Variants in SMAD3 observed in about 807,000 individuals in gnomAD.
SMAD3 encodes MAD homolog 3.
A neutral mutation model predicts 51.8 loss-of-function variants in SMAD3; 12 were observed. The ratio of observed to expected loss-of-function variants is 0.23; its 90% CI spans 0.15 to 0.38. SMAD3 has a LOEUF of 0.38. Ranked by LOEUF, SMAD3 falls within the 10% of genes least tolerant of loss-of-function variation. The pLI, the probability that SMAD3 is intolerant of heterozygous loss-of-function variation, is 1.00. For missense variants in SMAD3, 294 were observed against 565.6 expected (o/e 0.52, Z 4.87); for synonymous variants, 238 against 227.7 (o/e 1.05, Z -0.41).
At position 67,187,500 on chromosome 15, in the gene SMAD3, C is replaced by T. The variant is rs779602560; in HGVS notation, c.1145C>T (p.Ala382Val). The part of the protein sequence containing the change: ...IRMSFVKGWG[A>V]EYRRQTVTST... ...ATGAGCTTCGTCAAAGGCTGGGGAG[C>T]GGAGTACAGGTCAGTTATGGGTGCT... is the stretch of plus-strand genomic sequence containing the variant. Residue 382 changes from alanine to valine, a missense_variant, in exon 8 of 9, where the codon GCG (alanine) becomes GTG (valine). This residue lies in a region of SMAD3 where 118 missense variants were observed against 278.0 expected (regional missense o/e 0.42). Coordinates refer to ENST00000327367, the MANE Select transcript of SMAD3 (RefSeq NM_005902.4). 4.3e-6 allele frequency: 7 copies of T among 1,614,138 alleles called. No individual in the cohort carries two copies. Among genetic ancestry groups the T allele is most frequent in the East Asian group, 4.5e-5 (2 of 44,878 alleles).
chr15:67,106,308 A>C (rs1488768860), intron 1 of SMAD3, among the ~76,000 whole-genome samples: 4 of 152,142 alleles, frequency 2.6e-5, no homozygotes, highest in African/African-American at 9.7e-5. Context: ...TTCAAATCTC[A>C]ACCTCTCAGG....
chr15:67,078,100 G>A (rs1055235668), intron 1 of SMAD3: 16 of 152,408 alleles, frequency 1.0e-4, no homozygotes, highest in African/African-American at 3.4e-4. Flanking sequence ...GTCTGGAGCA[G>A]GTTGAAGATA....
At chr15:67,095,407 AGT>A (rs1370877050) in intron 1 of SMAD3, among the ~76,000 whole-genome samples, 1 of 152,100 alleles carries the variant, frequency 6.6e-6, no homozygotes, top group East Asian at 1.9e-4. Flanking sequence ...TGGCTGTGGA[AGT>A]GTGTCTTGAG....
At chr15:67,151,978 ATG>A (rs1340647786) in intron 1 of SMAD3, among the ~76,000 whole-genome samples, 1 of 152,166 alleles carries the variant, frequency 6.6e-6, no homozygotes, top group African/African-American at 2.4e-5. Flanking sequence ...ATTGTAAACT[ATG>A]TAATAATAAT....
At chr15:67,177,461 C>A (rs548511414) in intron 5 of SMAD3, among the ~76,000 whole-genome samples, 1 of 113,382 alleles carries the variant, frequency 8.8e-6, no homozygotes, top group Non-Finnish European at 1.7e-5. Flanking sequence ...CTTGCTCTAT[C>A]CCCCAGGCTG....
chr15:67,187,177 G>C (rs745582695), intron 7 of SMAD3, 188 bp from the exon 8 acceptor site: 6 of 718,014 alleles, frequency 8.4e-6, no homozygotes, highest in Non-Finnish European at 1.5e-5. Flanking sequence ...CAAGGGGAGG[G>C]ACTGGGTTGG....
intron 1 of SMAD3, among the ~76,000 whole-genome samples, chr15:67,095,867 A>G (rs538797002): frequency 3.2e-4 from 49 of 152,250 alleles, no homozygotes; most frequent in African/African-American, 1.2e-3. Context: ...TCTTTGACCT[A>G]GTGTTTTGGA....
chr15:67,157,067 C>T (rs1429060284), intron 1 of SMAD3, among the ~76,000 whole-genome samples: 1 of 152,116 alleles, frequency 6.6e-6, no homozygotes, highest in Non-Finnish European at 1.5e-5. Context: ...CAACACAGTA[C>T]CTGGCACATA....
At chr15:67,139,015 T>C (rs555946147) in intron 1 of SMAD3, among the ~76,000 whole-genome samples, 1 of 152,230 alleles carries the variant, frequency 6.6e-6, no homozygotes, top group Non-Finnish European at 1.5e-5. Flanking sequence ...TTTGAGAGAC[T>C]GAAGTGTCGG....
chr15:67,113,485 T>C (rs905575761), intron 1 of SMAD3, among the ~76,000 whole-genome samples: 1 of 152,028 alleles, frequency 6.6e-6, no homozygotes, highest in African/African-American at 2.4e-5. Context: ...CAAGTAAAGA[T>C]AGACAAGGAA....
rs140620343 is a variant in SMAD3 at position 67,194,296 on chromosome 15, G to A, written c.*3760G>A. ...CATCACAGTTTAAGGAGCATCAGCC[G>A]CTTCTCAAGTGGGTAGGGAAAGCAG... is the stretch of plus-strand genomic sequence containing the variant. On this transcript the variant is annotated 3_prime_UTR_variant, in exon 9 of 9. Coordinates refer to ENST00000327367, the MANE Select transcript of SMAD3 (RefSeq NM_005902.4). 2.9e-3 allele frequency: 666 copies of A among 233,308 alleles called. 10 individuals are homozygous for A. Among genetic ancestry groups the A allele is most frequent in the African/African-American group, 0.013 (595 of 45,442 alleles). The allele number at this position is 233,308 out of a possible 1,614,324, so 14.5% of individuals were successfully genotyped here.
At chr15:67,123,238 G>A (rs1184580915) in intron 1 of SMAD3, among the ~76,000 whole-genome samples, 1 of 149,860 alleles carries the variant, frequency 6.7e-6, no homozygotes, top group Non-Finnish European at 1.5e-5. Flanking sequence ...GCTCACACCT[G>A]TAATCCCAGC....
At chr15:67,115,894 A>G (rs1204855963) in intron 1 of SMAD3, among the ~76,000 whole-genome samples, 1 of 152,168 alleles carries the variant, frequency 6.6e-6, no homozygotes, top group Non-Finnish European at 1.5e-5. Context: ...TCCCCCAAGG[A>G]AAAGACATAG....
chr15:67,090,344 A>C (rs1960484257), intron 1 of SMAD3, among the ~76,000 whole-genome samples: 2 of 152,070 alleles, frequency 1.3e-5, no homozygotes, highest in Non-Finnish European at 2.9e-5. Flanking sequence ...TCTGAACTTC[A>C]ACTTGGGGGT....
At chr15:67,096,763 G>A (rs774539866) in intron 1 of SMAD3, among the ~76,000 whole-genome samples, 2 of 152,066 alleles carry the variant, frequency 1.3e-5, no homozygotes, top group Admixed American at 6.5e-5. Flanking sequence ...GGTCTTGCAC[G>A]TGCAGCCTCT....
chr15:67,183,025 ATATATATTTTTTTT>A (rs1963122775), intron 6 of SMAD3, among the ~76,000 whole-genome samples: 2 of 69,592 alleles, frequency 2.9e-5, no homozygotes, highest in Non-Finnish European at 4.9e-5. Context: ...ATATATATAT[ATATATATTTTTTTT>A]TTTTTTTTTT....
chr15:67,099,001 A>G (rs1054133604), intron 1 of SMAD3: 4 of 702,258 alleles, frequency 5.7e-6, no homozygotes, highest in Non-Finnish European at 1.0e-5. Context: ...GACAGAGCGT[A>G]TGTCCTGAGC....
chr15:67,168,154 C>T (rs1286480100), intron 4 of SMAD3, among the ~76,000 whole-genome samples: 4 of 152,226 alleles, frequency 2.6e-5, no homozygotes, highest in Non-Finnish European at 4.4e-5. Context: ...AGGGTTTCGC[C>T]ATGTTGGCTA....
intron 5 of SMAD3, among the ~76,000 whole-genome samples, chr15:67,178,090 T>G (rs368858300): frequency 6.6e-6 from 1 of 152,206 alleles, no homozygotes; most frequent in East Asian, 1.9e-4. Context: ...TGTCCGGGGT[T>G]TTCCACAACA....
Sources: gnomAD v4.1 joint callset for allele counts (sites outside exome capture counted in the v4.1 genomes callset) on GRCh38, gnomAD v4.1.1 for gene constraint, gnomAD v4.1.1 regional missense constraint, MANE v1.5 for transcripts, NCBI Gene and HGNC (gene_info 2026-07-23, HGNC 2026-07-21) for gene names.